ZNF385D: variants seen among roughly 807,000 people sequenced by gnomAD.
ZNF385D encodes zinc finger protein 385D.
A neutral mutation model predicts 35.8 loss-of-function variants in ZNF385D; 15 were observed. The ratio of observed to expected loss-of-function variants is 0.42; its 90% CI spans 0.28 to 0.64. The LOEUF is 0.64. Ranked by LOEUF, ZNF385D falls within the 30% of genes least tolerant of loss-of-function variation. ZNF385D has a pLI of 0.23. For synonymous variants in ZNF385D, 212 were observed against 186.8 expected (o/e 1.13, Z -1.10); for missense variants, 474 against 494.6 (o/e 0.96, Z 0.39).
rs1700513706 is a variant in ZNF385D, at chr3:21,413,017, A to AGTT, written c.*8196_*8197insAAC. ...TAAAACAAACTATGTGAATTGCCTT[A>AGTT]ATTATTATTATTATTACTTTTTTTC... On this transcript the variant is annotated 3_prime_UTR_variant, in exon 8 of 8. Transcript: ENST00000281523. 1 of 151,488 alleles carries AGTT rather than the reference A, an allele frequency of 6.6e-6. No individual in the cohort carries two copies. The highest frequency in any genetic ancestry group is 2.1e-4 in the South Asian group (1 of 4,802). 9.4% of individuals were successfully genotyped at this position (151,488 alleles called of 1,614,324 possible). A position where few individuals can be genotyped will look rare whatever the true frequency, so the allele number is the denominator to read the frequency against.
chr3:21,552,351 G>C (rs919282555), intron 3 of ZNF385D, among the ~76,000 whole-genome samples: 26 of 152,162 alleles, frequency 1.7e-4, no homozygotes, highest in African/African-American at 6.3e-4. Context: ...GGTACTTATG[G>C]ACATGGCTGG....
chr3:22,351,135 A>G (rs1695897299), intron 2 of ZNF385D, among the ~76,000 whole-genome samples: 1 of 152,140 alleles, frequency 6.6e-6, no homozygotes, highest in Admixed American at 6.6e-5. Context: ...TTAATTTAAA[A>G]AAGCAATTAG....
intron 3 of ZNF385D, among the ~76,000 whole-genome samples, chr3:21,840,414 C>T (rs1695591081): frequency 1.3e-5 from 2 of 152,182 alleles, no homozygotes; most frequent in Admixed American, 6.6e-5. Context: ...TTAAAGATAG[C>T]ATGCTTCCTA....
intron 3 of ZNF385D, among the ~76,000 whole-genome samples, chr3:21,553,921 TTC>T (rs2062646340): frequency 6.6e-6 from 1 of 152,218 alleles, no homozygotes; most frequent in African/African-American, 2.4e-5. Context: ...TTAATTATAC[TTC>T]TCTTGCTATT....
intron 3 of ZNF385D, among the ~76,000 whole-genome samples, chr3:22,086,005 C>G (rs1227891150): frequency 6.6e-6 from 1 of 152,164 alleles, no homozygotes; most frequent in Non-Finnish European, 1.5e-5. Context: ...TTCAACAACA[C>G]TTCATGCTAA....
chr3:21,872,063 A>G (rs1199181686), intron 3 of ZNF385D, among the ~76,000 whole-genome samples: 1 of 152,160 alleles, frequency 6.6e-6, no homozygotes, highest in Admixed American at 6.6e-5. Flanking sequence ...TGTTTAATAA[A>G]TATACGTATT....
In ZNF385D at chr3:22,132,258, G is replaced by A. The variant is rs569525425; in HGVS notation, c.325+36559C>T. ...TATAAAAAAAGGAAACAGACCTTTT[G>A]CACCTTCTAACATATGAGAACACAT... On this transcript the variant is annotated intron_variant, in intron 3 of 5. Transcript: ENST00000494108. Among the ~76,000 whole-genome samples, 93 of 152,164 alleles carry A rather than the reference G, an allele frequency of 6.1e-4. 2 individuals are homozygous for A. In the South Asian group the frequency reaches 7.9e-3, roughly 13 times the overall value.
At chr3:22,014,344 T>G (rs1426139642) in intron 3 of ZNF385D, among the ~76,000 whole-genome samples, 1 of 152,122 alleles carries the variant, frequency 6.6e-6, no homozygotes, top group Non-Finnish European at 1.5e-5. Context: ...TGCAGAGTAT[T>G]AATACATCCA....
At chr3:21,753,643 T>C (rs898574322), upstream of ZNF385D, among the ~76,000 whole-genome samples, 2 of 152,254 alleles carry the variant, frequency 1.3e-5, no homozygotes, top group African/African-American at 2.4e-5. Context: ...AAGCTTAAGA[T>C]ACAAAGTTGT....
intron 2 of ZNF385D, among the ~76,000 whole-genome samples, chr3:22,334,702 T>G (rs534435782): frequency 6.6e-6 from 1 of 152,160 alleles, no homozygotes; most frequent in East Asian, 1.9e-4. Flanking sequence ...TGTTGAGAAG[T>G]GGACATTTTA....
At chr3:22,333,033 A>G (rs570471267) in intron 2 of ZNF385D, among the ~76,000 whole-genome samples, 3 of 152,134 alleles carry the variant, frequency 2.0e-5, no homozygotes, top group African/African-American at 7.2e-5. Flanking sequence ...TCATCAGAGA[A>G]TGTCTTTATT....
intron 2 of ZNF385D, among the ~76,000 whole-genome samples, chr3:21,592,544 A>AAAAAAAAAAAAAACAAAAAAC (rs2064008412): frequency 2.3e-4 from 1 of 4,414 alleles, no homozygotes; most frequent in Non-Finnish European, 5.2e-4. Context: ...TCTTCATGGC[A>AAAAAAAAAAAAAACAAAAAAC]AAAAAAAAAA....
chr3:22,254,518 AT>A (rs1161189094), intron 2 of ZNF385D, among the ~76,000 whole-genome samples: 4 of 151,798 alleles, frequency 2.6e-5, no homozygotes, highest in Non-Finnish European at 5.9e-5. Context: ...TCATTATAAA[AT>A]ATGTATATTT....
intron 3 of ZNF385D, among the ~76,000 whole-genome samples, chr3:22,119,065 G>T (rs1218522450): frequency 6.6e-6 from 1 of 151,998 alleles, no homozygotes; most frequent in African/African-American, 2.4e-5. Context: ...AAATATAAAG[G>T]AATCAAGTCC....
intron 3 of ZNF385D, among the ~76,000 whole-genome samples, chr3:21,852,042 T>C (rs376697289): frequency 6.6e-6 from 1 of 152,050 alleles, no homozygotes; most frequent in African/African-American, 2.4e-5. Flanking sequence ...TTATCTTTTT[T>C]ATTTTCTTTC....
At chr3:21,458,789 G>A (rs375629795) in intron 4 of ZNF385D, among the ~76,000 whole-genome samples, 1 of 144,562 alleles carries the variant, frequency 6.9e-6, no homozygotes, top group Non-Finnish European at 1.5e-5. Context: ...AGTGAGGGGA[G>A]AGGGAGTCCA....
At chr3:21,734,966 C>T (rs11919442) in intron 1 of ZNF385D, among the ~76,000 whole-genome samples, 113 of 152,224 alleles carry the variant, frequency 7.4e-4, no homozygotes, top group African/African-American at 2.6e-3. Flanking sequence ...CTTTGGGACT[C>T]GTGTGGGCTG....
chr3:21,546,131 C>G (rs1171179280), intron 3 of ZNF385D, among the ~76,000 whole-genome samples: 1 of 151,972 alleles, frequency 6.6e-6, no homozygotes, highest in East Asian at 1.9e-4. Context: ...ATCAAACTTA[C>G]CATACATCTG....
intron 4 of ZNF385D, among the ~76,000 whole-genome samples, chr3:21,503,281 C>G (rs1174035443): frequency 1.3e-5 from 2 of 151,960 alleles, no homozygotes; most frequent in Non-Finnish European, 1.5e-5. Context: ...TACAATATAT[C>G]CTATATACAA....
Sources: gnomAD v4.1 joint callset for allele counts (sites outside exome capture counted in the v4.1 genomes callset) on GRCh38, gnomAD v4.1.1 for gene constraint, MANE v1.5 for transcripts, NCBI Gene and HGNC (gene_info 2026-07-23, HGNC 2026-07-21) for gene names.